RIPOR3: variants seen among roughly 807,000 people sequenced by gnomAD.
RIPOR3 encodes the protein family with sequence similarity 65 member C.
A neutral mutation model predicts 114.3 loss-of-function variants in RIPOR3; 95 were observed. That is an observed-to-expected ratio of 0.83 (90% CI 0.70 to 0.99). The LOEUF is 0.99. Among genes scored for constraint, RIPOR3 ranks in the 50% least tolerant of loss-of-function variants. RIPOR3 has a pLI of 0.00. For missense variants in RIPOR3, 1,252 were observed against 1,266.9 expected (o/e 0.99, Z 0.18); for synonymous variants, 575 against 543.8 (o/e 1.06, Z -0.80).
intron 6 of RIPOR3, among the ~76,000 whole-genome samples, chr20:50,610,552 T>C (rs1013095058): frequency 3.3e-5 from 5 of 152,158 alleles, no homozygotes; most frequent in Non-Finnish European, 7.4e-5. Context: ...GGGCTCAACC[T>C]TCCCAGCCAT....
chr20:50,662,298 C>T, intron 1 of RIPOR3: 1 of 152,244 alleles, frequency 6.6e-6, no homozygotes, highest in East Asian at 1.9e-4. Context: ...CATAATTGGC[C>T]ACATTGGTGA....
chr20:50,610,913 C>CG lies in RIPOR3; in HGVS notation c.373-8_373-7insC. On this transcript the variant is annotated splice_region_variant and splice_polypyrimidine_tract_variant and intron_variant, in intron 5 of 21. Coordinates refer to ENST00000327979, the MANE Select transcript of RIPOR3 (RefSeq NM_001290268.2). ...TTTCCACACAGCGCGTTTGCTTCTCCCGGAAAAAGGGAAGATGTTTGCAAA... is the reference window on the plus strand; with the variant it reads ...TTTCCACACAGCGCGTTTGCTTCTCCGCGGAAAAAGGGAAGATGTTTGCAAA... The CG allele has an allele frequency of 3.1e-6, 5 of 1,614,170 alleles. No homozygotes were observed. Among genetic ancestry groups the CG allele is most frequent in the Non-Finnish European group, 4.2e-6 (5 of 1,180,030 alleles).
At chr20:50,610,464 C>G (rs1357674771) in intron 6 of RIPOR3, among the ~76,000 whole-genome samples, 2 of 152,188 alleles carry the variant, frequency 1.3e-5, no homozygotes, top group African/African-American at 4.8e-5. Context: ...CTAAAGCTTA[C>G]AGATCTGCTA....
rs568106092 is a variant in RIPOR3 at position 50,683,802 on chromosome 20, G to A, written c.3+7324C>T. 1.8e-4 allele frequency among the ~76,000 whole-genome samples: 28 copies of A among 151,884 alleles called. 2 individuals carry two copies. The highest frequency in any genetic ancestry group is 4.6e-4 in the African/African-American group (19 of 41,424). ...CATTTTTAAAATTCTAGAGGAGGCC[G>A]GGTGCAGTGTCTCACACCTCTAATC... On this transcript the variant is annotated intron_variant, in intron 1 of 21. Coordinates refer to ENST00000327979, the MANE Select transcript of RIPOR3 (RefSeq NM_001290268.2).
intron 1 of RIPOR3, among the ~76,000 whole-genome samples, chr20:50,634,568 C>T (rs1222922747): frequency 6.6e-6 from 1 of 152,190 alleles, no homozygotes; most frequent in Non-Finnish European, 1.5e-5. Flanking sequence ...ATTCATAACA[C>T]ATCTTTATTG....
intron 1 of RIPOR3, among the ~76,000 whole-genome samples, chr20:50,654,769 A>G (rs1264834483): frequency 6.6e-6 from 1 of 152,050 alleles, no homozygotes; most frequent in Non-Finnish European, 1.5e-5. Flanking sequence ...TTTTTGAGAC[A>G]GCATCTCAAT....
intron 1 of RIPOR3, among the ~76,000 whole-genome samples, chr20:50,679,495 C>T (rs879536514): frequency 5.0e-4 from 75 of 150,164 alleles, no homozygotes; most frequent in Non-Finnish European, 6.4e-4. Context: ...CAGTGGCTCA[C>T]GCCTGTAATC....
At chr20:50,589,899 C>T (rs2083055802) in intron 19 of RIPOR3, 130 bp from the exon 20 acceptor site, 2 of 730,060 alleles carry the variant, frequency 2.7e-6, no homozygotes, top group Admixed American at 4.2e-5. Context: ...ACGTTCAGGA[C>T]ACGATCGGTC....
chr20:50,650,979 G>GT lies in RIPOR3; in HGVS notation c.4-20124dup, dbSNP rs1284604666. On this transcript the variant is annotated intron_variant, in intron 1 of 21. Coordinates refer to ENST00000327979, the MANE Select transcript of RIPOR3 (RefSeq NM_001290268.2). ...AAACAGGACTGGCTTTTTGTTTTTT[G>GT]TTTTTTTTTTGAGACCGAGTCTCGC... Among the ~76,000 whole-genome samples, 1,138 of 147,446 alleles carry GT rather than the reference G, an allele frequency of 7.7e-3. 17 individuals carry two copies. Among genetic ancestry groups the GT allele is most frequent in the African/African-American group, 0.025 (1,011 of 40,252 alleles).
At position 50,597,450 on chromosome 20, in the gene RIPOR3, G is replaced by A. The variant is rs540854790; in HGVS notation, c.1790+130C>T. The A allele has an allele frequency of 3.8e-5, 51 of 1,341,428 alleles. No homozygotes were observed. The South Asian group carries it at 4.5e-4, about 12-fold the overall frequency. The allele number at this position is 1,341,428 out of a possible 1,614,324, so 83.1% of individuals were successfully genotyped here. The stretch of plus-strand genomic sequence containing the variant: ...GGGGATGGCATGGGGAAGGGTGCAC[G>A]ATAGAGTGACAAGAGCTGAGCCAAG... On this transcript the variant is annotated intron_variant, in intron 14 of 21. Coordinates refer to ENST00000327979, the MANE Select transcript of RIPOR3 (RefSeq NM_001290268.2).
intron 2 of RIPOR3, among the ~76,000 whole-genome samples, chr20:50,623,130 G>A (rs1283437383): frequency 1.3e-5 from 2 of 151,814 alleles, no homozygotes; most frequent in Non-Finnish European, 2.9e-5. Flanking sequence ...GCGTGGTGGT[G>A]GACACCTGTA....
At chr20:50,616,226 A>G (rs1029250996) in intron 3 of RIPOR3, 146 bp from the exon 4 acceptor site, 1 of 723,662 alleles carries the variant, frequency 1.4e-6, no homozygotes, top group Non-Finnish European at 2.3e-6. Flanking sequence ...GCTCCCTCAC[A>G]CTGGGGGCTG....
At chr20:50,669,873 A>G (rs1166001542) in intron 1 of RIPOR3, among the ~76,000 whole-genome samples, 2 of 151,730 alleles carry the variant, frequency 1.3e-5, no homozygotes, top group East Asian at 1.9e-4. Context: ...AAAAAAAAAA[A>G]AGGCTGGGCG....
chr20:50,597,594 G>A lies in RIPOR3; in HGVS notation c.1776C>T (p.Gly592=), dbSNP rs377660122. The A allele has an allele frequency of 6.2e-6, 10 of 1,607,362 alleles. No homozygotes were observed. The African/African-American group carries it at 6.7e-5, about 11-fold the overall frequency. Reference sequence around the variant, plus strand: ...GGTGCACTCACCGGAGACCCTGGGAGCCCCCAAACAGGGACAGCTCATCCA... The same window carrying A: ...GGTGCACTCACCGGAGACCCTGGGAACCCCCAAACAGGGACAGCTCATCCA... The part of the protein sequence containing the change: ...FALDELSLFG[G]SQGLRKDRPL... The change falls in exon 14 of 22, where the codon GGC becomes GGT. Residue 592 remains glycine (G), a synonymous_variant. Transcript: ENST00000327979.
At chr20:50,619,424 G>A (rs768150758) in intron 3 of RIPOR3, among the ~76,000 whole-genome samples, 2 of 146,740 alleles carry the variant, frequency 1.4e-5, no homozygotes, top group Non-Finnish European at 3.0e-5. Context: ...CTGGGCAACA[G>A]AGCGAGACTC....
At chr20:50,683,306 C>T (rs750527793) in intron 1 of RIPOR3, among the ~76,000 whole-genome samples, 1 of 152,074 alleles carries the variant, frequency 6.6e-6, no homozygotes, top group African/African-American at 2.4e-5. Flanking sequence ...AGTTCCAGCA[C>T]GCAGGTGGGA....
chr20:50,642,198 T>C lies in RIPOR3; in HGVS notation c.4-11342A>G, dbSNP rs6096040. On this transcript the variant is annotated intron_variant, in intron 1 of 21. Coordinates refer to ENST00000327979, the MANE Select transcript of RIPOR3 (RefSeq NM_001290268.2). ...GGTTTACCGGCTTCCCAATCTCCTC[T>C]TCTGGGAATTTTCAGTGCCTATTCC... Among the ~76,000 whole-genome samples the C allele has an allele frequency of 7.9e-3, 1,210 of 152,224 alleles. 19 individuals carry two copies. Among genetic ancestry groups the C allele is most frequent in the African/African-American group, 0.027 (1,139 of 41,560 alleles).
intron 1 of RIPOR3, chr20:50,636,908 G>A (rs2085008985): frequency 1.0e-6 from 1 of 985,418 alleles, no homozygotes; most frequent in Non-Finnish European, 1.2e-6. Flanking sequence ...TTGGGGCTGG[G>A]TGGCTTTTAT....
At chr20:50,636,660 C>G in intron 1 of RIPOR3, 1 of 985,530 alleles carries the variant, frequency 1.0e-6, no homozygotes, top group Non-Finnish European at 1.2e-6. Flanking sequence ...GAACTGATGC[C>G]GTTCAGACCC....
Sources: allele counts gnomAD v4.1 joint callset (sites outside exome capture counted in the v4.1 genomes callset), GRCh38; gene constraint gnomAD v4.1.1; transcripts MANE v1.5; gene names NCBI Gene and HGNC (gene_info 2026-07-23, HGNC 2026-07-21).